The following ZFX variants were observed in gnomAD, a reference collection of about 807,000 sequenced individuals.
ZFX encodes the protein zinc finger protein X-linked, also known as zinc finger X-chromosomal protein.
For synonymous variants in ZFX, 196 were observed against 226.8 expected, an observed-to-expected ratio of 0.86 and a Z score of 1.22; for missense variants, 362 against 628.3, an observed-to-expected ratio of 0.58 and a Z score of 4.53.
At chrX:24,163,337 G>T (rs1468989635) in intron 3 of ZFX, among the ~76,000 whole-genome samples, 7 of 31,135 alleles carry the variant, frequency 2.2e-4, no homozygotes, top group East Asian at 1.0e-3. Context: ...AACCAAGTTT[G>T]TAATTTGGTT....
At chrX:24,177,895 T>C (rs1935291228) in intron 4 of ZFX, 1 of 724,942 alleles carries the variant, frequency 1.4e-6, no homozygotes, top group African/African-American at 2.4e-5. Flanking sequence ...AGGAAAATAG[T>C]ATGTTTGTCA....
chrX:24,189,938 A>G lies in ZFX; in HGVS notation c.646+10168A>G, dbSNP rs186893305. ...CAATTTTTTAAAAACCATTTGATAA[A>G]ACACAGGAAAAAGTTTGGAATTTGA... On this transcript the variant is annotated intron_variant, in intron 5 of 9. Transcript: ENST00000304543. 5.6e-3 allele frequency among the ~76,000 whole-genome samples: 634 copies of G among 112,301 alleles called. 1 individual carries two copies. Among genetic ancestry groups the G allele is most frequent in the Non-Finnish European group, 8.6e-3 (457 of 53,207 alleles).
chrX:24,179,149 A>G, intron 4 of ZFX, 34 bp from the exon 5 acceptor site: 1 of 1,150,494 alleles, frequency 8.7e-7, no homozygotes, highest in Non-Finnish European at 1.2e-6. Context: ...ATGCATACTT[A>G]CCTGAAATTT....
rs66467960 is a variant in ZFX, at chrX:24,163,364, G to GTTTTTT, written c.-28-9325_-28-9320dup. 3.6e-3 allele frequency among the ~76,000 whole-genome samples: 68 copies of GTTTTTT among 19,059 alleles called. 18 individuals are homozygous for GTTTTTT. Among genetic ancestry groups the GTTTTTT allele is most frequent in the Non-Finnish European group, 4.9e-3 (60 of 12,223 alleles). 16.6% of individuals were successfully genotyped at this position (19,059 alleles called of 115,157 possible). ...AATTTGGTTAAATTATTTTTGTTAG[G>GTTTTTT]TTTTTTTTTTTTTTTTTTTTTTTTT... On this transcript the variant is annotated intron_variant, in intron 3 of 9. Coordinates refer to ENST00000304543, the MANE Select transcript of ZFX (RefSeq NM_003410.4).
chrX:24,188,235 G>T, intron 5 of ZFX, among the ~76,000 whole-genome samples: 1 of 109,689 alleles, frequency 9.1e-6, no homozygotes, highest in Non-Finnish European at 1.9e-5. Context: ...CTACAAAAGC[G>T]TTATAAACTG....
chrX:24,180,241 AAAG>A (rs1416212321), intron 5 of ZFX, among the ~76,000 whole-genome samples: 1 of 110,905 alleles, frequency 9.0e-6, no homozygotes, highest in Non-Finnish European at 1.9e-5. Flanking sequence ...CAAAAAAAAA[AAAG>A]CTGAAACAAA....
rs749961078 is a variant in ZFX, at chrX:24,155,545, C to T, written c.-29+2715C>T. On this transcript the variant is annotated intron_variant, in intron 3 of 9. Transcript: ENST00000304543. Reference sequence around the variant, plus strand: ...GGTTTGTCTTTCTTGGGATTATATACATATAGTAGAAGTAGAATTGCTTCA... The same window carrying T: ...GGTTTGTCTTTCTTGGGATTATATATATATAGTAGAAGTAGAATTGCTTCA... Among the ~76,000 whole-genome samples, 9 of 112,180 alleles carry T rather than the reference C, an allele frequency of 8.0e-5. No homozygotes were observed. The East Asian group carries it at 8.4e-4, about 10-fold the overall frequency.
At position 24,205,119 on chromosome X, in the gene ZFX, A is replaced by G. The variant is rs1937523021; in HGVS notation, c.647-2207A>G. Among the ~76,000 whole-genome samples the G allele has an allele frequency of 2.7e-5, 3 of 112,202 alleles. No homozygotes were observed. In the Admixed American group the frequency reaches 2.9e-4, roughly 11 times the overall value. ...ACCAGAAAGGGAACTAAAAGGGCAA[A>G]GGGGAAATGAAAAGGCTTGTTGTTG... On this transcript the variant is annotated intron_variant, in intron 5 of 9. Coordinates refer to ENST00000304543, the MANE Select transcript of ZFX (RefSeq NM_003410.4).
chrX:24,177,565 A>G, intron 4 of ZFX: 1 of 309,795 alleles, frequency 3.2e-6, no homozygotes, highest in African/African-American at 2.8e-5. Flanking sequence ...ACTCCAGCGC[A>G]GCTGCACTTG....
chrX:24,174,000 C>T (rs930178989), intron 4 of ZFX, among the ~76,000 whole-genome samples: 17 of 110,096 alleles, frequency 1.5e-4, no homozygotes, highest in Non-Finnish European at 2.8e-4. Context: ...CACTTGAGGC[C>T]AGGAGTTCAA....
chrX:24,192,725 G>A (rs762436511), intron 5 of ZFX, among the ~76,000 whole-genome samples: 12 of 109,660 alleles, frequency 1.1e-4, no homozygotes, highest in South Asian at 7.9e-4. Context: ...TGACAACATC[G>A]GGAGACCCCA....
chrX:24,177,601 C>A, intron 4 of ZFX: 1 of 521,044 alleles, frequency 1.9e-6, no homozygotes, highest in Non-Finnish European at 2.3e-6. Context: ...TCTCCAGAGC[C>A]TCCTCAACCC....
chrX:24,210,912 A>G lies in ZFX; in HGVS notation c.1954A>G (p.Ile652Val), dbSNP rs927917341. 3.3e-6 allele frequency: 4 copies of G among 1,209,736 alleles called. No individual in the cohort carries two copies. The highest frequency in any genetic ancestry group is 4.5e-6 in the Non-Finnish European group (4 of 895,164). Residue 652 changes from isoleucine (I) to valine (V), a missense_variant, in exon 10 of 10, where the codon ATA becomes GTA. Physicochemically the swap from Ile to Val is conservative, Grantham distance 29 (BLOSUM62 3). Coordinates refer to ENST00000304543, the MANE Select transcript of ZFX (RefSeq NM_003410.4). ...SSNSSDLKRH[I>V]ISVHTKDYPH... The stretch of plus-strand genomic sequence containing the variant: ...GAACTCAAGTGATTTGAAACGACAC[A>G]TAATTTCAGTTCACACGAAAGACTA...
At chrX:24,197,782 A>G (rs1164425691) in intron 5 of ZFX, among the ~76,000 whole-genome samples, 1 of 112,285 alleles carries the variant, frequency 8.9e-6, no homozygotes, top group Admixed American at 9.5e-5. Flanking sequence ...CAAATGCTCA[A>G]TGCTAGGAGA....
intron 5 of ZFX, among the ~76,000 whole-genome samples, chrX:24,183,622 C>CT (rs775837239): frequency 8.9e-6 from 1 of 111,805 alleles, no homozygotes; most frequent in Admixed American, 9.5e-5. Flanking sequence ...CACTTGCTTT[C>CT]TGAGGGTTCA....
At chrX:24,169,038 C>G (rs1476865323) in intron 3 of ZFX, among the ~76,000 whole-genome samples, 1 of 111,270 alleles carries the variant, frequency 9.0e-6, no homozygotes. Flanking sequence ...TGAGTAGGTT[C>G]TGTTCTGAGA....
At chrX:24,207,538 G>A in intron 6 of ZFX, 63 bp downstream of exon 6, 3 of 1,163,604 alleles carry the variant, frequency 2.6e-6, no homozygotes, top group Non-Finnish European at 2.3e-6. Flanking sequence ...ATTACTTTTG[G>A]GTTATTTAGA....
chrX:24,202,161 C>G (rs781295739), intron 5 of ZFX, among the ~76,000 whole-genome samples: 2 of 111,849 alleles, frequency 1.8e-5, no homozygotes, highest in Non-Finnish European at 3.8e-5. Context: ...AAGGAAAATT[C>G]CTTCATCTTT....
Position 24,179,492 on chromosome X carries a change from C to T in ZFX, c.368C>T (p.Thr123Ile), listed in dbSNP as rs2147661971. The change falls in exon 5 of 10, where the codon ACT becomes ATT. Residue 123 changes from threonine to isoleucine, a missense_variant. Transcript: ENST00000304543. ...VPDDVLASDI[T>I]SASMSMPEHV... ...GATGATGTTTTAGCTTCTGACATTACTTCAGCCTCAATGTCTATGCCAGAA... is the reference window on the plus strand; with the variant it reads ...GATGATGTTTTAGCTTCTGACATTATTTCAGCCTCAATGTCTATGCCAGAA... 8.2e-7 allele frequency: 1 copy of T among 1,212,327 alleles called. No homozygotes were observed. Among genetic ancestry groups the T allele is most frequent in the Non-Finnish European group, 1.1e-6 (1 of 895,681 alleles).
Sources: allele counts gnomAD v4.1 joint callset (sites outside exome capture counted in the v4.1 genomes callset), GRCh38; gene constraint gnomAD v4.1.1; transcripts MANE v1.5; gene names NCBI Gene and HGNC (gene_info 2026-07-23, HGNC 2026-07-21).